PTPRD: variants seen among roughly 807,000 people sequenced by gnomAD.
The protein encoded by PTPRD is protein tyrosine phosphatase receptor type D.
A neutral mutation model predicts 214.5 loss-of-function variants in PTPRD; 34 were observed. The ratio of observed to expected loss-of-function variants is 0.16; its 90% CI spans 0.12 to 0.21. PTPRD has a LOEUF of 0.21. PTPRD is among the 10% of genes least tolerant of loss of function. PTPRD has a pLI of 1.00. For missense variants in PTPRD, 2,545 were observed against 2,398.7 expected, an observed-to-expected ratio of 1.06 and a Z score of -1.27; for synonymous variants, 1,128 against 845.7, an observed-to-expected ratio of 1.33 and a Z score of -5.79.
At position 9,063,323 on chromosome 9, in the gene PTPRD, A is replaced by T. The variant is rs560400012; in HGVS notation, c.-142-44588T>A. On this transcript the variant is annotated intron_variant, in intron 10 of 45. Coordinates refer to ENST00000381196, the MANE Select transcript of PTPRD (RefSeq NM_002839.4). ...ATCCTTCATGCCTAAGAAGGTAAAA[A>T]ATTGTTTTTGAAAGTAAATAGCAGA... 8.5e-5 allele frequency among the ~76,000 whole-genome samples: 13 copies of T among 152,258 alleles called. No homozygotes were observed. The South Asian group carries it at 2.7e-3, about 32-fold the overall frequency.
chr9:9,711,037 C>A (rs1011863949), intron 7 of PTPRD, among the ~76,000 whole-genome samples: 1 of 152,096 alleles, frequency 6.6e-6, no homozygotes, highest in African/African-American at 2.4e-5. Flanking sequence ...GATGGAATGG[C>A]ATCCTGTCCA....
chr9:8,914,522 G>C (rs1484834163), intron 11 of PTPRD, among the ~76,000 whole-genome samples: 1 of 152,078 alleles, frequency 6.6e-6, no homozygotes, highest in East Asian at 1.9e-4. Context: ...TATGTAGAGT[G>C]ATAGGGGTCG....
rs538484682 is a variant in PTPRD at position 9,175,336 on chromosome 9, T to C, written c.-143+7968A>G. 6.2e-4 allele frequency among the ~76,000 whole-genome samples: 95 copies of C among 152,056 alleles called. 2 individuals are homozygous for C. In the South Asian group the frequency reaches 0.019, roughly 30 times the overall value. ...ATCGTACAAAAGATAGTTTTAATAATTCTTGGCTGGGCACGGTGGCTCACG... is the reference window on the plus strand; with the variant it reads ...ATCGTACAAAAGATAGTTTTAATAACTCTTGGCTGGGCACGGTGGCTCACG... On this transcript the variant is annotated intron_variant, in intron 10 of 45. Coordinates refer to ENST00000381196, the MANE Select transcript of PTPRD (RefSeq NM_002839.4).
intron 11 of PTPRD, among the ~76,000 whole-genome samples, chr9:8,904,564 C>G (rs1193269870): frequency 1.7e-4 from 26 of 151,188 alleles, no homozygotes; most frequent in Admixed American, 1.7e-3. Flanking sequence ...CCCAGCTACT[C>G]TGGAGGCTGA....
At chr9:8,947,024 C>CTTTTTT (rs2099069439) in intron 11 of PTPRD, among the ~76,000 whole-genome samples, 1 of 90,808 alleles carries the variant, frequency 1.1e-5, no homozygotes. Flanking sequence ...ATTTTTTTTT[C>CTTTTTT]TTTTCTTTTT....
In PTPRD at chr9:8,498,518, C is replaced by T. The variant is rs541905082; in HGVS notation, c.2322+1129G>A. ...GTCTCGATCTCTTGACCAGGGGATC[C>T]GTCCGCCTTTACAGACGAGAACGTA... On this transcript the variant is annotated intron_variant, in intron 25 of 45. Coordinates refer to ENST00000381196, the MANE Select transcript of PTPRD (RefSeq NM_002839.4). 1.3e-3 allele frequency among the ~76,000 whole-genome samples: 198 copies of T among 152,230 alleles called. 3 individuals carry two copies. The highest frequency in any genetic ancestry group is 4.6e-3 in the African/African-American group (192 of 41,546).
intron 12 of PTPRD, among the ~76,000 whole-genome samples, chr9:8,709,710 TA>T (rs1046979456): frequency 1.2e-3 from 182 of 151,958 alleles, no homozygotes; most frequent in African/African-American, 4.3e-3. Context: ...TCTGTCAATA[TA>T]AAAAAATTAA....
chr9:8,758,842 C>T (rs551297058), intron 11 of PTPRD, among the ~76,000 whole-genome samples: 26 of 151,780 alleles, frequency 1.7e-4, no homozygotes, highest in African/African-American at 3.1e-4. Context: ...TGTGCCACCA[C>T]GCTTGGCTAA....
At chr9:9,760,755 G>A (rs1208872713) in intron 6 of PTPRD, among the ~76,000 whole-genome samples, 1 of 151,942 alleles carries the variant, frequency 6.6e-6, no homozygotes, top group East Asian at 1.9e-4. Context: ...AGATTTCACT[G>A]AAGAAGATAG....
chr9:9,138,403 C>G (rs1309307820), intron 10 of PTPRD, among the ~76,000 whole-genome samples: 43 of 152,160 alleles, frequency 2.8e-4, no homozygotes, highest in Non-Finnish European at 1.3e-4. Flanking sequence ...TTATTGAGTA[C>G]TATTTGCACT....
intron 2 of PTPRD, among the ~76,000 whole-genome samples, chr9:10,501,962 A>T (rs1178377773): frequency 1.3e-5 from 2 of 151,962 alleles, no homozygotes; most frequent in South Asian, 2.1e-4. Context: ...TTTTGACATC[A>T]TTATGTTTTT....
At chr9:9,746,406 G>A (rs1188792244) in intron 6 of PTPRD, among the ~76,000 whole-genome samples, 1 of 152,058 alleles carries the variant, frequency 6.6e-6, no homozygotes, top group Non-Finnish European at 1.5e-5. Flanking sequence ...AAATCTATCA[G>A]GGGAACAAAT....
chr9:10,443,235 C>T (rs1223415651), intron 2 of PTPRD, among the ~76,000 whole-genome samples: 1 of 151,452 alleles, frequency 6.6e-6, no homozygotes, highest in African/African-American at 2.4e-5. Flanking sequence ...GTCACATATA[C>T]CAAAAAATTA....
At chr9:9,510,840 T>G (rs985273947) in intron 8 of PTPRD, among the ~76,000 whole-genome samples, 3 of 151,632 alleles carry the variant, frequency 2.0e-5, no homozygotes, top group African/African-American at 7.2e-5. Flanking sequence ...TGCCTTAAAA[T>G]TTTTACTCAT....
intron 10 of PTPRD, among the ~76,000 whole-genome samples, chr9:9,146,993 T>C (rs1350374912): frequency 6.6e-6 from 1 of 152,156 alleles, no homozygotes; most frequent in African/African-American, 2.4e-5. Context: ...TTCTTAAAAA[T>C]GGACAGATTT....
At chr9:10,048,376 G>A (rs1386476553) in intron 3 of PTPRD, among the ~76,000 whole-genome samples, 2 of 152,082 alleles carry the variant, frequency 1.3e-5, no homozygotes, top group Admixed American at 6.6e-5. Context: ...TTATACCCAT[G>A]ATTTCATGGT....
intron 3 of PTPRD, among the ~76,000 whole-genome samples, chr9:10,082,524 T>G (rs1413823488): frequency 6.6e-6 from 1 of 151,854 alleles, no homozygotes; most frequent in Non-Finnish European, 1.5e-5. Context: ...GTACTGTGAA[T>G]TACAAATTAC....
At chr9:8,984,895 A>ACAC (rs957065627) in intron 11 of PTPRD, among the ~76,000 whole-genome samples, 47 of 152,212 alleles carry the variant, frequency 3.1e-4, no homozygotes, top group African/African-American at 1.1e-3. Flanking sequence ...ACCATGGAGT[A>ACAC]CACTAAGTCA....
intron 8 of PTPRD, among the ~76,000 whole-genome samples, chr9:9,551,421 T>C (rs1463869357): frequency 6.6e-6 from 1 of 151,990 alleles, no homozygotes; most frequent in African/African-American, 2.4e-5. Context: ...GCAACATTGA[T>C]TATATTTAAT....
Sources: gnomAD v4.1 joint callset for allele counts (sites outside exome capture counted in the v4.1 genomes callset) on GRCh38, gnomAD v4.1.1 for gene constraint, MANE v1.5 for transcripts, NCBI Gene and HGNC (gene_info 2026-07-23, HGNC 2026-07-21) for gene names.